The following CLSPN variants were observed in gnomAD, a reference collection of about 807,000 sequenced individuals.
CLSPN encodes claspin.
In CLSPN, 85 loss-of-function variants were observed where a neutral mutation model predicts 156.3. The ratio of observed to expected loss-of-function variants is 0.54; its 90% confidence interval spans 0.46 to 0.65. CLSPN has a LOEUF of 0.65. Among genes scored for constraint, CLSPN ranks in the 30% least tolerant of loss-of-function variants. The pLI, the probability that CLSPN is intolerant of heterozygous loss-of-function variation, is 0.00. For missense variants in CLSPN, 1,407 were observed against 1,554.9 expected, an observed-to-expected ratio of 0.90 and a Z score of 1.60; for synonymous variants, 534 against 542.4, an observed-to-expected ratio of 0.98 and a Z score of 0.22.
At chr1:35,729,327 C>T (rs566194468), downstream of CLSPN, among the ~76,000 whole-genome samples, 5 of 152,284 alleles carry the variant, frequency 3.3e-5, no homozygotes, top group East Asian at 3.9e-4. Flanking sequence ...CCGCGGACTA[C>T]GGTTCTCTCT....
At chr1:35,730,567 T>TAAAAAAAAAAA (rs56320150), downstream of CLSPN, among the ~76,000 whole-genome samples, 3 of 62,018 alleles carry the variant, frequency 4.8e-5, no homozygotes, top group African/African-American at 7.0e-5. Flanking sequence ...GAATCCATAT[T>TAAAAAAAAAAA]AAAAAAAAAA....
At position 35,736,218 on chromosome 1, in the gene CLSPN, TAA is replaced by T. The variant is rs80209680; in HGVS notation, c.*276_*277del. 0.014 allele frequency: 12,254 copies of T among 854,456 alleles called. No individual in the cohort carries two copies. Among genetic ancestry groups the T allele is most frequent in the Middle Eastern group, 0.016 (28 of 1,712 alleles). The allele number at this position is 854,456 out of a possible 1,614,324, so 52.9% of individuals were successfully genotyped here. ...GGGCAACAGAGTGAGACTCCCATCT[TAA>T]AAAAAAAAAAAAAAAGGAAACCTCA... On this transcript the variant is annotated 3_prime_UTR_variant, in exon 25 of 25. Coordinates refer to ENST00000318121, the MANE Select transcript of CLSPN (RefSeq NM_022111.4).
chr1:35,764,629 A>G lies in CLSPN; in HGVS notation c.219T>C (p.Asn73=), dbSNP rs769863398. 2.0e-5 allele frequency: 32 copies of G among 1,613,036 alleles called. No homozygotes were observed. Among genetic ancestry groups the G allele is most frequent in the Non-Finnish European group, 2.5e-5 (30 of 1,179,776 alleles). Residue 73 remains asparagine (N), a synonymous_variant, in exon 3 of 25, where the codon AAT becomes AAC. Coordinates refer to ENST00000318121, the MANE Select transcript of CLSPN (RefSeq NM_022111.4). ...CATAGGTAGTTTTCTCTGGAGAGGCATTTGTGTCCTCTGTTTCGGAATCAC... is the reference window on the plus strand; with the variant it reads ...CATAGGTAGTTTTCTCTGGAGAGGCGTTTGTGTCCTCTGTTTCGGAATCAC... The part of the protein sequence containing the change: ...QDSDSETEDT[N]ASPEKTTYDS...
At chr1:35,750,383 T>C (rs2148619760) in intron 10 of CLSPN, among the ~76,000 whole-genome samples, 1 of 151,164 alleles carries the variant, frequency 6.6e-6, no homozygotes, top group African/African-American at 2.4e-5. Flanking sequence ...GATCCCAGCA[T>C]ACAAAAAGGA....
intron 24 of CLSPN, chr1:35,721,057 G>C (rs769744558): frequency 1.0e-6 from 1 of 985,946 alleles, no homozygotes; most frequent in Admixed American, 2.3e-5. Context: ...TGCAGACCCT[G>C]TTTCCTGCAT....
rs71062891 is a variant in CLSPN at position 35,734,677 on chromosome 1, C to CA, written c.*1818dup. 0.26 allele frequency: 161,612 copies of CA among 623,360 alleles called. 9,820 individuals are homozygous for CA. Among genetic ancestry groups the CA allele is most frequent in the East Asian group, 0.69 (4,756 of 6,942 alleles). 38.6% of individuals were successfully genotyped at this position (623,360 alleles called of 1,614,324 possible). A position where few individuals can be genotyped will look rare whatever the true frequency, so the allele number is the denominator to read the frequency against. ...TAGGTGACAGAGCCAGCCTATGTCT[C>CA]AAAAAAAAAAAAAGAAAAGAAAAGA... On this transcript the variant is annotated 3_prime_UTR_variant, in exon 25 of 25. Transcript: ENST00000318121.
rs1287928970 is a variant in CLSPN at position 35,739,137 on chromosome 1, T to C, written c.3429A>G (p.Ile1143Met). ...TTTTAAAGACAACAACCAAGATACC[T>C]ATGTTTTTCCATCGAAACTTCCTCA... ...GRMRKFRWKNIDDASQMDLFH... is the reference protein window; with the variant it reads ...GRMRKFRWKNMDDASQMDLFH... Residue 1143 changes from isoleucine to methionine, a missense_variant and splice_region_variant, in exon 20 of 25, where the codon ATA becomes ATG. By Grantham distance (10) the Ile-to-Met change is conservative. Around this residue, in one of 3 missense-constraint regions of CLSPN, gnomAD observed 241 missense variants for 240.5 expected, o/e 1.00. Transcript: ENST00000318121. The C allele has an allele frequency of 6.2e-7, 1 of 1,614,056 alleles. No individual in the cohort carries two copies. The highest frequency in any genetic ancestry group is 8.5e-7 in the Non-Finnish European group (1 of 1,180,038).
At position 35,722,911 on chromosome 1, in the gene CLSPN, G is replaced by A. The variant is rs147494649; in HGVS notation, c.3910-1931C>T. The stretch of plus-strand genomic sequence containing the variant: ...CTCCCAAAGTGTTGGGATTACAGGC[G>A]TGAACCACCACACCCAGCCTGTAGC... On this transcript the variant is annotated intron_variant, in intron 24 of 24. Coordinates refer to the CLSPN transcript ENST00000251195. Among the ~76,000 whole-genome samples, 254 of 152,284 alleles carry A rather than the reference G, an allele frequency of 1.7e-3. 3 individuals are homozygous for A. The highest frequency in any genetic ancestry group is 5.2e-3 in the African/African-American group (217 of 41,548).
In CLSPN at chr1:35,736,200, A is replaced by C. The variant is rs1040998284; in HGVS notation, c.*296T>G. On this transcript the variant is annotated 3_prime_UTR_variant, in exon 25 of 25. Coordinates refer to ENST00000318121, the MANE Select transcript of CLSPN (RefSeq NM_022111.4). ...GCCACTGCACTCCAAGCTGGGCAAC[A>C]GAGTGAGACTCCCATCTTAAAAAAA... 2.2e-5 allele frequency: 22 copies of C among 978,316 alleles called. No individual in the cohort carries two copies. The highest frequency in any genetic ancestry group is 2.6e-5 in the Non-Finnish European group (21 of 817,400). The allele number at this position is 978,316 out of a possible 1,614,324, so 60.6% of individuals were successfully genotyped here.
chr1:35,768,361 C>T (rs2148629570), intron 1 of CLSPN, among the ~76,000 whole-genome samples: 1 of 102,398 alleles, frequency 9.8e-6, no homozygotes, highest in East Asian at 2.0e-4. Context: ...GAGCGAGACT[C>T]CGTCTCAAAA....
At chr1:35,739,704 C>A (rs1347850543) in intron 18 of CLSPN, among the ~76,000 whole-genome samples, 175 bp from the exon 19 acceptor site, 1 of 152,092 alleles carries the variant, frequency 6.6e-6, no homozygotes, top group Non-Finnish European at 1.5e-5. Flanking sequence ...AATGATTTTT[C>A]AACTTTACGA....
chr1:35,767,715 G>A (rs749059358), intron 1 of CLSPN, among the ~76,000 whole-genome samples: 4 of 152,124 alleles, frequency 2.6e-5, no homozygotes, highest in Admixed American at 1.3e-4. Flanking sequence ...ATGTGTATGC[G>A]AATATTCCAA....
chr1:35,747,589 G>C (rs886907358), intron 14 of CLSPN, among the ~76,000 whole-genome samples: 1 of 152,182 alleles, frequency 6.6e-6, no homozygotes, highest in African/African-American at 2.4e-5. Flanking sequence ...TGTGCCACCA[G>C]TCTGTGAATT....
rs151308070 is a variant in CLSPN, at chr1:35,764,613, T to C, written c.235A>G (p.Thr79Ala). ...TEDTNASPEK[T>A]TYDSAEEENK... ...TCCTCCTCGGCACTGTCATAGGTAG[T>C]TTTCTCTGGAGAGGCATTTGTGTCC... Residue 79 changes from threonine (T) to alanine (A), a missense_variant, in exon 3 of 25, where the codon ACT becomes GCT. Thr to Ala is a moderately conservative substitution (Grantham distance 58, BLOSUM62 0). Coordinates refer to ENST00000318121, the MANE Select transcript of CLSPN (RefSeq NM_022111.4). The C allele has an allele frequency of 6.2e-6, 10 of 1,613,144 alleles. 1 individual carries two copies. The Middle Eastern group carries it at 6.6e-4, about 106-fold the overall frequency.
chr1:35,744,896 C>T (rs1641824776), intron 16 of CLSPN, among the ~76,000 whole-genome samples: 1 of 152,128 alleles, frequency 6.6e-6, no homozygotes, highest in South Asian at 2.1e-4. Flanking sequence ...TCACTACAAC[C>T]TCTGCCTCCC....
intron 24 of CLSPN, 22 bp downstream of exon 24, chr1:35,736,892 T>C: frequency 1.1e-5 from 17 of 1,607,458 alleles, no homozygotes; most frequent in Non-Finnish European, 1.4e-5. Context: ...GAAGCCACCA[T>C]ATTAGTTCTC....
rs201399866 is a variant in CLSPN, at chr1:35,739,346, G to C, written c.3308+19C>G. 6.1e-5 allele frequency: 98 copies of C among 1,613,662 alleles called. No individual in the cohort carries two copies. The highest frequency in any genetic ancestry group is 8.0e-5 in the Non-Finnish European group (94 of 1,179,860). On this transcript the variant is annotated intron_variant, in intron 19 of 24. Transcript: ENST00000318121. ...TAAGATGTACCCTATTACTCAGAAG[G>C]GCTTATTGGGATACTGACATGTGTA... is the stretch of plus-strand genomic sequence containing the variant.
intron 9 of CLSPN, among the ~76,000 whole-genome samples, chr1:35,752,057 G>A (rs1642105572): frequency 6.6e-6 from 1 of 152,046 alleles, no homozygotes. Context: ...ATTCAGAGTG[G>A]TACAACCATT....
rs1393673271 is a variant in CLSPN at position 35,748,454 on chromosome 1, G to C, written c.2423C>G (p.Ser808Cys). ...SFFPTAGGFR[S>C]PSPGLFRASL... ...GGCTCGAAATAGCCCAGGGGAAGGA[G>C]ATCTGAATCCTCCTGCTGTAGGGAA... is the stretch of plus-strand genomic sequence containing the variant. Residue 808 changes from serine (S) to cysteine (C), a missense_variant, in exon 13 of 25, where the codon TCT (serine) becomes TGT (cysteine). Physicochemically the swap from Ser to Cys is moderately radical, Grantham distance 112. This residue lies in a region of CLSPN where 1,096 missense variants were observed against 1,193.0 expected (regional missense o/e 0.92). Coordinates refer to ENST00000318121, the MANE Select transcript of CLSPN (RefSeq NM_022111.4). The C allele has an allele frequency of 6.2e-7, 1 of 1,614,142 alleles. No individual in the cohort carries two copies. The highest frequency in any genetic ancestry group is 1.1e-5 in the South Asian group (1 of 91,086).
Sources: gnomAD v4.1 joint callset for allele counts (sites outside exome capture counted in the v4.1 genomes callset) on GRCh38, gnomAD v4.1.1 for gene constraint, gnomAD v4.1.1 regional missense constraint, MANE v1.5 for transcripts, NCBI Gene and HGNC (gene_info 2026-07-23, HGNC 2026-07-21) for gene names.